Variants in RIMS2 observed in about 807,000 individuals in gnomAD.
The protein encoded by RIMS2 is regulating synaptic membrane exocytosis protein 2.
Under a neutral mutation model 174.4 loss-of-function variants are expected in RIMS2, and 59 were observed. The ratio of observed to expected loss-of-function variants is 0.34; its 90% confidence interval spans 0.27 to 0.42. The LOEUF is 0.42. RIMS2 is among the 10% of genes least tolerant of loss of function. The pLI is 1.00. For synonymous variants in RIMS2, 606 were observed against 572.5 expected (o/e 1.06, Z -0.84); for missense variants, 1,620 against 1,666.3 (o/e 0.97, Z 0.48).
intron 3 of RIMS2, among the ~76,000 whole-genome samples, chr8:103,833,634 T>C (rs1386844086): frequency 6.6e-6 from 1 of 152,128 alleles, no homozygotes; most frequent in Non-Finnish European, 1.5e-5. Context: ...TTATCAGAGG[T>C]AAAGCTCATC....
At chr8:103,998,036 G>A (rs911430039) in intron 17 of RIMS2, 5 of 575,134 alleles carry the variant, frequency 8.7e-6, no homozygotes, top group African/African-American at 3.8e-5. Flanking sequence ...AACATTGGGA[G>A]GAGGGGGCAA....
intron 3 of RIMS2, among the ~76,000 whole-genome samples, chr8:103,877,974 C>T (rs182555894): frequency 6.6e-6 from 1 of 151,442 alleles, no homozygotes; most frequent in African/African-American, 2.4e-5. Flanking sequence ...GCTTTGTGTC[C>T]CCACCAAAAT....
chr8:103,885,945 G>A, exon 4 of RIMS2: 1 of 1,613,032 alleles, frequency 6.2e-7, no homozygotes, highest in Non-Finnish European at 8.5e-7. Context: ...CCAGACTTGA[G>A]GCGTACTGAC....
chr8:104,061,018 G>A (rs1282492995), intron 19 of RIMS2, among the ~76,000 whole-genome samples: 3 of 152,184 alleles, frequency 2.0e-5, no homozygotes, highest in African/African-American at 7.2e-5. Flanking sequence ...AATAGGTGCA[G>A]TGTGGTGCTG....
At chr8:103,991,067 G>C (rs2094661543) in intron 17 of RIMS2, among the ~76,000 whole-genome samples, 1 of 151,752 alleles carries the variant, frequency 6.6e-6, no homozygotes, top group South Asian at 2.1e-4. Flanking sequence ...TATCATGTCA[G>C]AGATATCCTA....
At chr8:103,620,948 A>G (rs2095619780) in intron 1 of RIMS2, among the ~76,000 whole-genome samples, 1 of 152,222 alleles carries the variant, frequency 6.6e-6, no homozygotes, top group Admixed American at 6.5e-5. Context: ...ATTTCACTGC[A>G]TACTTTTTGT....
At chr8:103,770,565 A>G (rs1289202589) in intron 3 of RIMS2, among the ~76,000 whole-genome samples, 1 of 152,056 alleles carries the variant, frequency 6.6e-6, no homozygotes, top group African/African-American at 2.4e-5. Flanking sequence ...AACAAGAGCG[A>G]AACTCTGTCT....
At chr8:104,143,561 T>TA (rs1488336923) in intron 19 of RIMS2, among the ~76,000 whole-genome samples, 1 of 152,200 alleles carries the variant, frequency 6.6e-6, no homozygotes, top group African/African-American at 2.4e-5. Flanking sequence ...AAAAAGGAAG[T>TA]AAGCCTTTCA....
chr8:104,098,868 T>C (rs546545148), intron 19 of RIMS2, among the ~76,000 whole-genome samples: 21 of 152,330 alleles, frequency 1.4e-4, no homozygotes, highest in African/African-American at 4.6e-4. Flanking sequence ...TATTTATGCC[T>C]ATATTATGGA....
Position 103,552,332 on chromosome 8 carries a change from A to G in RIMS2, c.176+51270A>G, listed in dbSNP as rs558512565. On this transcript the variant is annotated intron_variant, in intron 1 of 23. Transcript: ENST00000504942. ...CATCTGATCTTTGACAAACCTGACA[A>G]AAACAAGAAATGGGGAAAGGATGCC... 2.6e-5 allele frequency among the ~76,000 whole-genome samples: 4 copies of G among 152,318 alleles called. No homozygotes were observed. In the South Asian group the frequency reaches 8.3e-4, roughly 32 times the overall value.
intron 1 of RIMS2, among the ~76,000 whole-genome samples, chr8:103,649,385 T>C (rs1225970279): frequency 6.6e-6 from 1 of 152,118 alleles, no homozygotes; most frequent in Non-Finnish European, 1.5e-5. Flanking sequence ...TTTTCTTTCA[T>C]TTGTATATTT....
chr8:103,608,699 C>G (rs929935837), intron 1 of RIMS2, among the ~76,000 whole-genome samples: 1 of 152,048 alleles, frequency 6.6e-6, no homozygotes, highest in East Asian at 1.9e-4. Flanking sequence ...CATGGTGCGC[C>G]GTTTTTTAAG....
rs79755606 is a variant in RIMS2 at position 103,960,887 on chromosome 8, C to T, written c.2702-178C>T. Among the ~76,000 whole-genome samples the T allele has an allele frequency of 9.9e-3, 1,501 of 152,192 alleles. 19 individuals carry two copies. The highest frequency in any genetic ancestry group is 0.046 in the South Asian group (222 of 4,822). On this transcript the variant is annotated intron_variant, in intron 14 of 23. Transcript: ENST00000504942. The stretch of plus-strand genomic sequence containing the variant: ...TAACTCCTCATCACCCATATCCTCA[C>T]GTCATGAAATGCATGTGAAAATAAA...
At chr8:103,936,622 A>G in exon 13 of RIMS2, 2 of 1,611,114 alleles carry the variant, frequency 1.2e-6, no homozygotes, top group South Asian at 1.1e-5. Context: ...ACATTCATTT[A>G]TTCTCCAGTC....
intron 2 of RIMS2, among the ~76,000 whole-genome samples, chr8:103,739,951 G>C (rs919333009): frequency 1.3e-5 from 2 of 152,056 alleles, no homozygotes; most frequent in Non-Finnish European, 2.9e-5. Context: ...TCACTTTTGA[G>C]AGCAATTTTT....
At chr8:104,187,377 A>G (rs1005081828) in intron 19 of RIMS2, among the ~76,000 whole-genome samples, 1 of 151,892 alleles carries the variant, frequency 6.6e-6, no homozygotes, top group Non-Finnish European at 1.5e-5. Context: ...ATAAATCTCA[A>G]GCAACATAGT....
chr8:104,251,580 C>T (rs1322644097), intron 23 of RIMS2, 22 bp from the exon 30 acceptor site: 1 of 1,315,110 alleles, frequency 7.6e-7, no homozygotes, highest in South Asian at 1.2e-5. Flanking sequence ...TGACATCACT[C>T]TACTTTTTAT....
intron 19 of RIMS2, among the ~76,000 whole-genome samples, chr8:104,108,226 G>T (rs1225683065): frequency 9.2e-5 from 14 of 151,950 alleles, no homozygotes; most frequent in African/African-American, 3.4e-4. Flanking sequence ...GGTATCTTTT[G>T]TTATTTTTTC....
chr8:103,611,121 G>C (rs369348705), intron 1 of RIMS2, among the ~76,000 whole-genome samples: 1 of 152,052 alleles, frequency 6.6e-6, no homozygotes, highest in South Asian at 2.1e-4. Flanking sequence ...AGAGGTGTTT[G>C]TAGTAGTAGT....
Sources: allele counts gnomAD v4.1 joint callset (sites outside exome capture counted in the v4.1 genomes callset), GRCh38; gene constraint gnomAD v4.1.1; transcripts MANE v1.5; gene names NCBI Gene and HGNC (gene_info 2026-07-23, HGNC 2026-07-21).